The following CDK6 variants were observed in gnomAD, a reference collection of about 807,000 sequenced individuals.
CDK6 encodes cyclin-dependent kinase 6.
A neutral mutation model predicts 37.1 loss-of-function variants in CDK6; 6 were observed. The ratio of observed to expected loss-of-function variants is 0.16; its 90% confidence interval spans 0.09 to 0.32. The LOEUF (loss-of-function observed/expected upper bound fraction) is 0.32. CDK6 is among the 10% of genes least tolerant of loss of function. The pLI is 1.00. For missense variants in CDK6, 224 were observed against 418.9 expected, an observed-to-expected ratio of 0.53 and a Z score of 4.06; for synonymous variants, 160 against 161.3, an observed-to-expected ratio of 0.99 and a Z score of 0.06.
At chr7:92,772,908 T>C (rs1935330143) in intron 3 of CDK6, among the ~76,000 whole-genome samples, 2 of 152,144 alleles carry the variant, frequency 1.3e-5, no homozygotes, top group South Asian at 2.1e-4. Flanking sequence ...TAGGTGGTAA[T>C]GTAAGATATA....
intron 5 of CDK6, among the ~76,000 whole-genome samples, chr7:92,640,548 C>T (rs1460194017): frequency 1.3e-5 from 2 of 152,062 alleles, no homozygotes; most frequent in African/African-American, 4.8e-5. Context: ...CTTACTAATC[C>T]CAGCTTTTGG....
intron 5 of CDK6, among the ~76,000 whole-genome samples, chr7:92,643,030 G>C (rs1796349647): frequency 6.6e-6 from 1 of 152,030 alleles, no homozygotes; most frequent in Admixed American, 6.6e-5. Context: ...AGGTAGCTGG[G>C]ACTATAGGCA....
chr7:92,803,793 A>AG (rs1246490533), intron 2 of CDK6, among the ~76,000 whole-genome samples: 1 of 152,322 alleles, frequency 6.6e-6, no homozygotes, highest in African/African-American at 2.4e-5. Context: ...CAGTATGAAA[A>AG]GGGGGAAAAA....
chr7:92,709,000 T>A (rs1177722635), intron 4 of CDK6, among the ~76,000 whole-genome samples: 1 of 152,186 alleles, frequency 6.6e-6, no homozygotes, highest in African/African-American at 2.4e-5. Flanking sequence ...AAATATATTT[T>A]TATTTCTTAT....
intron 4 of CDK6, among the ~76,000 whole-genome samples, chr7:92,702,636 C>A (rs1293549613): frequency 6.6e-6 from 1 of 152,142 alleles, no homozygotes; most frequent in Admixed American, 6.5e-5. Context: ...TTGAAGAATT[C>A]TCCTCAGACT....
At chr7:92,739,487 C>A (rs928554416) in intron 3 of CDK6, among the ~76,000 whole-genome samples, 1 of 152,234 alleles carries the variant, frequency 6.6e-6, no homozygotes, top group Non-Finnish European at 1.5e-5. Flanking sequence ...TATAATGGTA[C>A]CACCATCCAC....
At chr7:92,808,721 T>G (rs1413171819) in intron 2 of CDK6, among the ~76,000 whole-genome samples, 1 of 152,144 alleles carries the variant, frequency 6.6e-6, no homozygotes, top group Non-Finnish European at 1.5e-5. Context: ...GGTAGGGTGG[T>G]TAGATGAACA....
intron 5 of CDK6, among the ~76,000 whole-genome samples, chr7:92,634,173 T>C (rs1361015724): frequency 6.6e-6 from 1 of 152,178 alleles, no homozygotes; most frequent in East Asian, 1.9e-4. Context: ...ACTTTTAATA[T>C]GTAACTCTTT....
chr7:92,827,178 CAG>C (rs1182775512), intron 2 of CDK6, among the ~76,000 whole-genome samples: 1 of 152,092 alleles, frequency 6.6e-6, no homozygotes, highest in African/African-American at 2.4e-5. Context: ...TATTATAAAA[CAG>C]ATCAAAGGGG....
intron 5 of CDK6, among the ~76,000 whole-genome samples, chr7:92,639,246 A>G (rs558528618): frequency 3.9e-5 from 6 of 152,344 alleles, no homozygotes; most frequent in African/African-American, 1.2e-4. Flanking sequence ...CTGAGTTACA[A>G]TGAGTTATTT....
At chr7:92,754,954 A>T (rs1375289274) in intron 3 of CDK6, among the ~76,000 whole-genome samples, 1 of 152,086 alleles carries the variant, frequency 6.6e-6, no homozygotes, top group East Asian at 1.9e-4. Flanking sequence ...ATTACCAACA[A>T]TTAACAGAGT....
intron 5 of CDK6, among the ~76,000 whole-genome samples, chr7:92,663,789 A>G (rs187295045): frequency 6.6e-6 from 1 of 152,258 alleles, no homozygotes; most frequent in East Asian, 1.9e-4. Flanking sequence ...TGTTTGCATT[A>G]CTCAACCAAA....
In CDK6 at chr7:92,833,626, G is replaced by A; in HGVS notation, c.-303C>T. On this transcript the variant is annotated 5_prime_UTR_variant, in exon 2 of 8. Transcript: ENST00000424848. This position sits in a 1 kb window ranked among gnomAD's most constrained non-coding sequence, Gnocchi z 6.1. ...CCTCCTCTTCCCTCCTCGAAGCGAA[G>A]TCCTCAACACAGACACGATTACATA... The A allele has an allele frequency of 1.9e-6, 1 of 529,492 alleles. No homozygotes were observed. Among genetic ancestry groups the A allele is most frequent in the East Asian group, 3.3e-5 (1 of 30,562 alleles). The allele number at this position is 529,492 out of a possible 1,614,324, so 32.8% of individuals were successfully genotyped here.
Position 92,614,731 on chromosome 7 carries a change from GCA to G in CDK6, c.*407_*408del. The G allele has an allele frequency of 7.5e-6, 2 of 266,038 alleles. No individual in the cohort carries two copies. The highest frequency in any genetic ancestry group is 1.1e-4 in the South Asian group (1 of 9,410). The allele number at this position is 266,038 out of a possible 1,614,324, so 16.5% of individuals were successfully genotyped here. ...CACACACACACACACACACACACAT[GCA>G]CACACACACTCAAAAGTACCAAATC... On this transcript the variant is annotated 3_prime_UTR_variant, in exon 8 of 8. Coordinates refer to ENST00000424848, the MANE Select transcript of CDK6 (RefSeq NM_001145306.2).
At chr7:92,737,733 C>T (rs1405917278) in intron 3 of CDK6, among the ~76,000 whole-genome samples, 3 of 152,128 alleles carry the variant, frequency 2.0e-5, no homozygotes, top group African/African-American at 7.2e-5. Context: ...TTATGTTATC[C>T]ATTAATGCTG....
intron 4 of CDK6, among the ~76,000 whole-genome samples, chr7:92,697,804 A>T (rs775984743): frequency 1.3e-5 from 2 of 152,248 alleles, no homozygotes; most frequent in Non-Finnish European, 2.9e-5. Flanking sequence ...CTTCTATCAG[A>T]GGTGAAGAAG....
intron 2 of CDK6, among the ~76,000 whole-genome samples, chr7:92,829,106 T>TC (rs1801410499): frequency 6.6e-6 from 1 of 152,198 alleles, no homozygotes; most frequent in Non-Finnish European, 1.5e-5. Context: ...ATGTCATGTT[T>TC]CTTTTACCCT....
At chr7:92,654,841 G>A (rs965489535) in intron 5 of CDK6, among the ~76,000 whole-genome samples, 2 of 152,026 alleles carry the variant, frequency 1.3e-5, no homozygotes, top group Non-Finnish European at 2.9e-5. Context: ...GTCACCAAAT[G>A]GATATATATA....
intron 4 of CDK6, among the ~76,000 whole-genome samples, chr7:92,678,471 G>T (rs1195027349): frequency 6.6e-6 from 1 of 152,110 alleles, no homozygotes; most frequent in Non-Finnish European, 1.5e-5. Flanking sequence ...TACACAAGTG[G>T]ATGTATCTGT....
Sources: gnomAD v4.1 joint callset for allele counts (sites outside exome capture counted in the v4.1 genomes callset) on GRCh38, gnomAD v4.1.1 for gene constraint, Gnocchi (gnomAD v3.1) non-coding constraint, MANE v1.5 for transcripts, NCBI Gene and HGNC (gene_info 2026-07-23, HGNC 2026-07-21) for gene names.